The following IGSF11 variants were observed in gnomAD, a reference collection of about 807,000 sequenced individuals.
IGSF11 encodes CXADR like 1.
A neutral mutation model predicts 41.0 loss-of-function variants in IGSF11; 22 were observed. That is an observed-to-expected ratio of 0.54 (90% CI 0.38 to 0.77). IGSF11 has a LOEUF of 0.77. IGSF11 is among the 30% of genes least tolerant of loss of function. IGSF11 has a pLI of 0.00. For missense variants in IGSF11, 444 were observed against 530.8 expected (o/e 0.84, Z 1.61); for synonymous variants, 219 against 201.3 (o/e 1.09, Z -0.74).
At chr3:119,092,912 G>T (rs1009581958) in intron 1 of IGSF11, among the ~76,000 whole-genome samples, 5 of 152,150 alleles carry the variant, frequency 3.3e-5, no homozygotes, top group Non-Finnish European at 7.4e-5. Context: ...GGAGCAATAG[G>T]CTAGGTGTTT....
chr3:119,086,145 A>T (rs758358487), intron 1 of IGSF11, among the ~76,000 whole-genome samples: 1 of 152,158 alleles, frequency 6.6e-6, no homozygotes, highest in Non-Finnish European at 1.5e-5. Context: ...TCTGGACCCT[A>T]TTTTCCTGCC....
intron 1 of IGSF11, among the ~76,000 whole-genome samples, chr3:119,128,345 GAA>G (rs397751272): frequency 2.0e-5 from 3 of 146,760 alleles, no homozygotes; most frequent in Admixed American, 7.1e-5. Context: ...GTGAGAGTGA[GAA>G]AGAAAGAAAG....
chr3:118,947,701 G>C (rs1944262568), intron 1 of IGSF11: 1 of 152,158 alleles, frequency 6.6e-6, no homozygotes, highest in Admixed American at 6.5e-5. Context: ...ACCAGAAACA[G>C]AACATTACCA....
intron 1 of IGSF11, among the ~76,000 whole-genome samples, chr3:119,122,339 C>A (rs1268323202): frequency 2.0e-5 from 3 of 152,174 alleles, no homozygotes; most frequent in African/African-American, 7.2e-5. Flanking sequence ...TGATACCTGC[C>A]CACAAAGAAA....
At chr3:118,952,171 C>T (rs914136807) in intron 1 of IGSF11, among the ~76,000 whole-genome samples, 4 of 152,108 alleles carry the variant, frequency 2.6e-5, no homozygotes, top group African/African-American at 7.2e-5. Flanking sequence ...AAAATGCTAA[C>T]GATCATCTGA....
At chr3:119,037,498 T>A (rs1940961164), upstream of IGSF11, among the ~76,000 whole-genome samples, 1 of 152,128 alleles carries the variant, frequency 6.6e-6, no homozygotes, top group South Asian at 2.1e-4. Flanking sequence ...TTGGATGAGA[T>A]TGGCCCCACC....
chr3:118,910,381 C>T (rs1209441915), intron 4 of IGSF11, among the ~76,000 whole-genome samples: 1 of 152,180 alleles, frequency 6.6e-6, no homozygotes, highest in East Asian at 1.9e-4. Context: ...TGAGTTTAAA[C>T]ATCTAATCGA....
chr3:119,054,959 A>G (rs1941767850), intron 1 of IGSF11, among the ~76,000 whole-genome samples: 1 of 152,152 alleles, frequency 6.6e-6, no homozygotes, highest in African/African-American at 2.4e-5. Flanking sequence ...TCACACGGCC[A>G]GGTACTCCTC....
At chr3:118,986,840 A>C (rs1427910786) in intron 1 of IGSF11, among the ~76,000 whole-genome samples, 1 of 152,122 alleles carries the variant, frequency 6.6e-6, no homozygotes, top group Admixed American at 6.5e-5. Context: ...AATAAAAGAA[A>C]ATTTTCTAAG....
chr3:119,069,559 C>A (rs961808062), intron 1 of IGSF11, among the ~76,000 whole-genome samples: 3 of 152,064 alleles, frequency 2.0e-5, no homozygotes, highest in Non-Finnish European at 4.4e-5. Flanking sequence ...ACCCATGATA[C>A]CCTCCACGAT....
chr3:119,076,655 G>A (rs950315231), intron 1 of IGSF11, among the ~76,000 whole-genome samples: 6 of 152,122 alleles, frequency 3.9e-5, no homozygotes, highest in African/African-American at 9.7e-5. Context: ...ACAGACATAC[G>A]AAAAAATGCT....
intron 1 of IGSF11, among the ~76,000 whole-genome samples, chr3:119,132,806 A>T (rs1303304476): frequency 6.6e-6 from 1 of 152,204 alleles, no homozygotes; most frequent in East Asian, 1.9e-4. Context: ...AATTGACCAC[A>T]TACTTGGAAG....
chr3:119,114,365 T>C (rs1369615323), intron 1 of IGSF11, among the ~76,000 whole-genome samples: 1 of 152,222 alleles, frequency 6.6e-6, no homozygotes. Context: ...CTCACAAATA[T>C]AAGCCTAGGC....
intron 1 of IGSF11, among the ~76,000 whole-genome samples, chr3:119,142,274 C>CAAAAAAAAAAAAAA (rs11328968): frequency 1.2e-5 from 1 of 81,766 alleles, no homozygotes; most frequent in Non-Finnish European, 2.4e-5. Context: ...GACTCCATCT[C>CAAAAAAAAAAAAAA]AAAAAAAAAA....
intron 1 of IGSF11, among the ~76,000 whole-genome samples, chr3:119,001,406 G>A (rs1221131159): frequency 1.3e-5 from 2 of 150,548 alleles, no homozygotes; most frequent in African/African-American, 4.9e-5. Flanking sequence ...GGCACGCAGT[G>A]GTAACTCAAA....
intron 1 of IGSF11, among the ~76,000 whole-genome samples, chr3:118,954,654 A>T (rs780113244): frequency 1.3e-5 from 2 of 152,168 alleles, no homozygotes; most frequent in Non-Finnish European, 2.9e-5. Flanking sequence ...CAGTGACAAA[A>T]TGCATCAAAC....
intron 1 of IGSF11, among the ~76,000 whole-genome samples, chr3:119,143,804 G>A (rs1319383625): frequency 6.6e-6 from 1 of 152,058 alleles, no homozygotes; most frequent in African/African-American, 2.4e-5. Context: ...AAGAGAGCTG[G>A]AGCTGCTATA....
At chr3:118,968,520 T>C (rs1932974681) in intron 1 of IGSF11, among the ~76,000 whole-genome samples, 1 of 152,134 alleles carries the variant, frequency 6.6e-6, no homozygotes, top group Non-Finnish European at 1.5e-5. Flanking sequence ...AGCATATAAA[T>C]GAAATACTGA....
At chr3:118,990,735 T>A (rs1935712156) in intron 1 of IGSF11, among the ~76,000 whole-genome samples, 1 of 152,140 alleles carries the variant, frequency 6.6e-6, no homozygotes, top group Non-Finnish European at 1.5e-5. Flanking sequence ...CTGGGCAACT[T>A]GAGGGTCTCC....
Sources: gnomAD v4.1 joint callset for allele counts (sites outside exome capture counted in the v4.1 genomes callset) on GRCh38, gnomAD v4.1.1 for gene constraint, MANE v1.5 for transcripts, NCBI Gene and HGNC (gene_info 2026-07-23, HGNC 2026-07-21) for gene names.